The following TRHDE variants were observed in gnomAD, a reference collection of about 807,000 sequenced individuals.
The protein encoded by TRHDE is thyrotropin-releasing hormone-degrading ectoenzyme.
TRHDE carries 72 observed loss-of-function variants against 125.7 expected under a neutral mutation model. The ratio of observed to expected loss-of-function variants is 0.57; its 90% CI spans 0.47 to 0.70. The LOEUF (loss-of-function observed/expected upper bound fraction) is 0.70. Ranked by LOEUF, TRHDE falls within the 30% of genes least tolerant of loss-of-function variation. The pLI, the probability that TRHDE is intolerant of heterozygous loss-of-function variation, is 0.00. For missense variants in TRHDE, 1,110 were observed against 1,327.1 expected, an observed-to-expected ratio of 0.84 and a Z score of 2.54; for synonymous variants, 509 against 509.1, an observed-to-expected ratio of 1.00 and a Z score of 0.00.
intron 1 of TRHDE, among the ~76,000 whole-genome samples, chr12:72,285,221 G>A (rs1879836996): frequency 6.6e-6 from 1 of 152,104 alleles, no homozygotes; most frequent in African/African-American, 2.4e-5. Flanking sequence ...ATTGGTAGTA[G>A]TTGCCTGAAG....
chr12:72,272,819 G>A lies in TRHDE; in HGVS notation c.176G>A (p.Gly59Glu). 1 of 1,574,954 alleles carries A rather than the reference G, an allele frequency of 6.3e-7. No homozygotes were observed. The highest frequency in any genetic ancestry group is 2.3e-5 in the East Asian group (1 of 43,888). ...GCCGCGCTTCGGGCTGGCAGCAGGGGGCTCTCCGACCCGTGGGCAGACTCA... is the reference window on the plus strand; with the variant it reads ...GCCGCGCTTCGGGCTGGCAGCAGGGAGCTCTCCGACCCGTGGGCAGACTCA... ...DDAALRAGSR[G>E]LSDPWADSVG... Residue 59 changes from glycine to glutamate, a missense_variant, in exon 1 of 19, where the codon GGG becomes GAG. Gly to Glu is a moderately conservative substitution (Grantham distance 98). Transcript: ENST00000261180. This position sits in a 1 kb window ranked among gnomAD's most constrained non-coding sequence, Gnocchi z 6.7.
intron 1 of TRHDE, among the ~76,000 whole-genome samples, chr12:72,091,224 C>A (rs1050694739): frequency 6.6e-6 from 1 of 151,974 alleles, no homozygotes; most frequent in Non-Finnish European, 1.5e-5. Flanking sequence ...GATTCCCAAC[C>A]CTTTCTTGCA....
intron 1 of TRHDE, among the ~76,000 whole-genome samples, chr12:72,095,378 A>G (rs1339995145): frequency 6.6e-6 from 1 of 152,194 alleles, no homozygotes; most frequent in African/African-American, 2.4e-5. Flanking sequence ...AGATCCTAGG[A>G]AGGAGTGAGG....
chr12:72,148,115 G>T (rs1049795000), intron 2 of TRHDE, among the ~76,000 whole-genome samples: 3 of 152,172 alleles, frequency 2.0e-5, no homozygotes, highest in African/African-American at 7.2e-5. Flanking sequence ...GTGACAAAAA[G>T]ATCTCAGAGA....
chr12:72,195,654 C>T (rs1405837374), intron 2 of TRHDE, among the ~76,000 whole-genome samples: 1 of 151,700 alleles, frequency 6.6e-6, no homozygotes, highest in East Asian at 1.9e-4. Flanking sequence ...TTGTCAGATT[C>T]AGTTTGCAAA....
chr12:72,334,496 G>A (rs1869742924), intron 2 of TRHDE, among the ~76,000 whole-genome samples: 2 of 152,306 alleles, frequency 1.3e-5, no homozygotes, highest in Non-Finnish European at 2.9e-5. Flanking sequence ...CCGGATATGG[G>A]TGTTTATAGT....
At chr12:72,640,664 C>G (rs1874018566) in intron 15 of TRHDE, among the ~76,000 whole-genome samples, 2 of 143,008 alleles carry the variant, frequency 1.4e-5, no homozygotes, top group East Asian at 4.1e-4. Context: ...GTTCACGCAT[C>G]AATGCAGAAA....
At position 72,665,582 on chromosome 12, in the gene TRHDE, A is replaced by G. The variant is rs2136120470; in HGVS notation, c.*2387A>G. 1 of 152,362 alleles carries G rather than the reference A, an allele frequency of 6.6e-6. No homozygotes were observed. Among genetic ancestry groups the G allele is most frequent in the South Asian group, 2.1e-4 (1 of 4,830 alleles). The allele number at this position is 152,362 out of a possible 1,614,324, so 9.4% of individuals were successfully genotyped here. A position where few individuals can be genotyped will look rare whatever the true frequency, so the allele number is the denominator to read the frequency against. On this transcript the variant is annotated 3_prime_UTR_variant, in exon 19 of 19. Transcript: ENST00000261180. ...GTAATATTTTCAAAAGAATAAAATAACCAATGATATCTCTTGGAATAATCT... is the reference window on the plus strand; with the variant it reads ...GTAATATTTTCAAAAGAATAAAATAGCCAATGATATCTCTTGGAATAATCT...
At chr12:72,155,352 G>T (rs1331257498) in intron 2 of TRHDE, among the ~76,000 whole-genome samples, 1 of 151,956 alleles carries the variant, frequency 6.6e-6, no homozygotes, top group Non-Finnish European at 1.5e-5. Context: ...TCCTTCTTTA[G>T]CTCAGAGTAG....
intron 2 of TRHDE, among the ~76,000 whole-genome samples, chr12:72,159,312 T>A (rs1027751174): frequency 6.6e-6 from 1 of 152,214 alleles, no homozygotes; most frequent in African/African-American, 2.4e-5. Context: ...ACAGTAATAG[T>A]AATTCAATGA....
chr12:72,480,145 T>C (rs1343811896), intron 5 of TRHDE, among the ~76,000 whole-genome samples: 146 of 151,546 alleles, frequency 9.6e-4, no homozygotes, highest in African/African-American at 3.3e-3. Context: ...GTCTTCATAG[T>C]AGCATGATTT....
chr12:72,501,282 A>G (rs547974860), intron 6 of TRHDE, among the ~76,000 whole-genome samples: 1 of 152,212 alleles, frequency 6.6e-6, no homozygotes, highest in African/African-American at 2.4e-5. Context: ...TAATTTTAGA[A>G]GCAATACCTT....
intron 12 of TRHDE, among the ~76,000 whole-genome samples, chr12:72,591,473 A>G (rs1871678090): frequency 6.6e-6 from 1 of 152,126 alleles, no homozygotes; most frequent in Non-Finnish European, 1.5e-5. Context: ...CATATAATGT[A>G]TGCATATATA....
chr12:72,355,073 C>T (rs531190820), intron 2 of TRHDE, among the ~76,000 whole-genome samples: 24 of 151,502 alleles, frequency 1.6e-4, no homozygotes, highest in Non-Finnish European at 3.0e-4. Flanking sequence ...GTGAATACAA[C>T]GTGGGACCTC....
At position 72,286,962 on chromosome 12, in the gene TRHDE, T is replaced by C. The variant is rs1337961918; in HGVS notation, c.1188+8T>C. 5.0e-6 allele frequency: 8 copies of C among 1,610,974 alleles called. No homozygotes were observed. The highest frequency in any genetic ancestry group is 1.7e-4 in the Middle Eastern group (1 of 6,046). ...ACCAAGAGTGGGGTTGTAGTAAGTA[T>C]TTTCAGCTTAATGATGTTTTTGGAT... On this transcript the variant is annotated splice_region_variant and intron_variant, in intron 2 of 18. Transcript: ENST00000261180.
rs1427444744 is a variant in TRHDE at position 72,667,404 on chromosome 12, T to C, written c.*4209T>C. Reference sequence around the variant, plus strand: ...TCATAGCTGAATTATCATTTGACAATACATAAGAATATATATTGTATAGAT... The same window carrying C: ...TCATAGCTGAATTATCATTTGACAACACATAAGAATATATATTGTATAGAT... On this transcript the variant is annotated 3_prime_UTR_variant, in exon 19 of 19. Transcript: ENST00000261180. The C allele has an allele frequency of 1.3e-5, 2 of 151,684 alleles. No individual in the cohort carries two copies. The highest frequency in any genetic ancestry group is 2.4e-5 in the African/African-American group (1 of 41,388). The allele number at this position is 151,684 out of a possible 1,614,324, so 9.4% of individuals were successfully genotyped here.
intron 12 of TRHDE, among the ~76,000 whole-genome samples, chr12:72,600,831 G>GA (rs1872178009): frequency 6.6e-6 from 1 of 151,964 alleles, no homozygotes. Context: ...ACTGCTCAGG[G>GA]AAAACCATTT....
At chr12:72,114,856 GA>G (rs34200674) in intron 2 of TRHDE, among the ~76,000 whole-genome samples, 3,437 of 152,174 alleles carry the variant, frequency 0.023, 147 homozygotes, top group African/African-American at 0.08. Context: ...AACTAAACTG[GA>G]ACTGTGTTCC....
intron 2 of TRHDE, among the ~76,000 whole-genome samples, chr12:72,357,099 C>T (rs1219337298): frequency 6.6e-6 from 1 of 151,350 alleles, no homozygotes; most frequent in Non-Finnish European, 1.5e-5. Context: ...ATAAAGCAAC[C>T]AGAGAGAACC....
Sources: allele counts gnomAD v4.1 joint callset (sites outside exome capture counted in the v4.1 genomes callset), GRCh38; gene constraint gnomAD v4.1.1; non-coding constraint Gnocchi (gnomAD v3.1); transcripts MANE v1.5; gene names NCBI Gene and HGNC (gene_info 2026-07-23, HGNC 2026-07-21).